The following SMYD3 variants were observed in gnomAD, a reference collection of about 807,000 sequenced individuals.
The protein encoded by SMYD3 is histone-lysine N-methyltransferase SMYD3.
Under a neutral mutation model 57.7 loss-of-function variants are expected in SMYD3, and 36 were observed. The ratio of observed to expected loss-of-function variants is 0.62; its 90% confidence interval spans 0.48 to 0.82. The LOEUF (loss-of-function observed/expected upper bound fraction) is 0.82, where lower values mean the gene tolerates loss of function less well. SMYD3 is among the 40% of genes least tolerant of loss of function. The pLI is 0.00. For missense variants in SMYD3, 515 were observed against 538.8 expected (o/e 0.96, Z 0.44); for synonymous variants, 211 against 195.0 (o/e 1.08, Z -0.68).
chr1:246,023,355 T>C (rs1359502291), intron 5 of SMYD3, among the ~76,000 whole-genome samples: 3 of 152,170 alleles, frequency 2.0e-5, no homozygotes, highest in African/African-American at 7.2e-5. Flanking sequence ...ATAATATAGC[T>C]AGCTCTCGCA....
chr1:245,979,672 G>T (rs967696492), intron 5 of SMYD3, among the ~76,000 whole-genome samples: 14 of 152,016 alleles, frequency 9.2e-5, no homozygotes, highest in African/African-American at 3.4e-4. Context: ...CCTCAGAATT[G>T]TGAAAAAAAT....
chr1:246,413,328 C>T (rs1446693380), intron 1 of SMYD3, among the ~76,000 whole-genome samples: 1 of 152,056 alleles, frequency 6.6e-6, no homozygotes, highest in Non-Finnish European at 1.5e-5. Context: ...GAACCTATGC[C>T]CTTAATCATT....
At chr1:246,391,352 C>A (rs1016037668) in intron 1 of SMYD3, among the ~76,000 whole-genome samples, 1 of 149,242 alleles carries the variant, frequency 6.7e-6, no homozygotes, top group African/African-American at 2.5e-5. Flanking sequence ...TGCACTCCAG[C>A]CTGAGAAACA....
intron 5 of SMYD3, among the ~76,000 whole-genome samples, chr1:246,262,547 T>C (rs1441220184): frequency 6.6e-6 from 1 of 152,120 alleles, no homozygotes; most frequent in Non-Finnish European, 1.5e-5. Flanking sequence ...ACAGACACAG[T>C]TTCCATTTTG....
chr1:246,027,169 G>A (rs1023467779), intron 5 of SMYD3, among the ~76,000 whole-genome samples: 5 of 152,146 alleles, frequency 3.3e-5, no homozygotes, highest in African/African-American at 1.2e-4. Flanking sequence ...CAGAAGAAAC[G>A]GTGGAAAGTA....
chr1:246,493,111 A>C (rs554561935), intron 1 of SMYD3, among the ~76,000 whole-genome samples: 9 of 152,100 alleles, frequency 5.9e-5, no homozygotes, highest in Admixed American at 5.9e-4. Context: ...ATATCACTTT[A>C]AATAGGCAAA....
chr1:245,826,183 T>C (rs987766571), intron 10 of SMYD3, among the ~76,000 whole-genome samples: 1 of 151,832 alleles, frequency 6.6e-6, no homozygotes, highest in Non-Finnish European at 1.5e-5. Flanking sequence ...TGAAACTCTA[T>C]ACCCATTGAA....
rs562464460 is a variant in SMYD3 at position 246,178,246 on chromosome 1, G to T, written c.531+148955C>A. Among the ~76,000 whole-genome samples the T allele has an allele frequency of 2.6e-5, 4 of 152,220 alleles. 1 individual carries two copies. The South Asian group carries it at 8.3e-4, about 32-fold the overall frequency. On this transcript the variant is annotated intron_variant, in intron 5 of 11. Coordinates refer to ENST00000490107, the MANE Select transcript of SMYD3 (RefSeq NM_001167740.2). ...CCAGGGATCAGAGACGGTCCTTCTG[G>T]AATCAAGCAGGTGGCACCCATCACC...
At chr1:246,183,511 A>G (rs552031388) in intron 5 of SMYD3, among the ~76,000 whole-genome samples, 1 of 152,142 alleles carries the variant, frequency 6.6e-6, no homozygotes, top group Non-Finnish European at 1.5e-5. Flanking sequence ...GGAAAATGCA[A>G]ATAAGAATTC....
chr1:245,900,622 G>T (rs75664106), intron 8 of SMYD3, among the ~76,000 whole-genome samples: 3,183 of 152,250 alleles, frequency 0.021, 124 homozygotes, highest in African/African-American at 0.073. Context: ...CTAAAGCTAC[G>T]TTTAGTTGGG....
intron 7 of SMYD3, among the ~76,000 whole-genome samples, chr1:245,924,161 C>A (rs1044647725): frequency 6.6e-6 from 1 of 152,164 alleles, no homozygotes; most frequent in African/African-American, 2.4e-5. Context: ...AGCTTTCCTC[C>A]CTGATCCATG....
At chr1:245,775,353 T>C (rs1431029171) in intron 10 of SMYD3, among the ~76,000 whole-genome samples, 1 of 152,068 alleles carries the variant, frequency 6.6e-6, no homozygotes, top group East Asian at 1.9e-4. Context: ...GAGACTCCAG[T>C]TTGTTCTGTA....
At chr1:246,145,316 G>A (rs982626859) in intron 5 of SMYD3, among the ~76,000 whole-genome samples, 1 of 152,214 alleles carries the variant, frequency 6.6e-6, no homozygotes, top group African/African-American at 2.4e-5. Flanking sequence ...TAGTTATAAT[G>A]TATGTAGTGT....
chr1:246,326,736 C>T (rs1264386818), intron 5 of SMYD3: 1 of 279,556 alleles, frequency 3.6e-6, no homozygotes, highest in Non-Finnish European at 6.6e-6. Context: ...TACACTCAAG[C>T]CTGGGTGACA....
rs1406656676 is a variant in SMYD3, at chr1:246,255,995, C to CACAT, written c.531+71202_531+71205dup. Among the ~76,000 whole-genome samples, 14 of 143,828 alleles carry CACAT rather than the reference C, an allele frequency of 9.7e-5. No homozygotes were observed. In the East Asian group the frequency reaches 2.2e-3, roughly 22 times the overall value. The allele number at this position is 143,828 out of a possible 152,430, so 94.4% of individuals were successfully genotyped here. On this transcript the variant is annotated intron_variant, in intron 5 of 11. Coordinates refer to ENST00000490107, the MANE Select transcript of SMYD3 (RefSeq NM_001167740.2). ...ATAGATAGATAGATAGATACACACACACATACATACATACATAGATACATA... is the reference window on the plus strand; with the variant it reads ...ATAGATAGATAGATAGATACACACACACATACATACATACATACATAGATACATA...
intron 5 of SMYD3, among the ~76,000 whole-genome samples, chr1:246,260,462 T>C (rs1238240233): frequency 2.0e-5 from 3 of 152,140 alleles, no homozygotes; most frequent in Non-Finnish European, 4.4e-5. Context: ...TTTGTTTGTT[T>C]CTTTTTTGAG....
intron 1 of SMYD3, among the ~76,000 whole-genome samples, chr1:246,446,825 C>A (rs923373816): frequency 6.6e-6 from 1 of 152,008 alleles, no homozygotes. Flanking sequence ...GTCGGGAGAT[C>A]GACACCATCC....
At chr1:246,089,231 A>G (rs2060778996) in intron 5 of SMYD3, among the ~76,000 whole-genome samples, 2 of 152,108 alleles carry the variant, frequency 1.3e-5, no homozygotes, top group African/African-American at 4.8e-5. Context: ...CTCCCGCCTC[A>G]GCCTCCCAAA....
At chr1:246,460,755 T>A (rs1295146630) in intron 1 of SMYD3, among the ~76,000 whole-genome samples, 1 of 152,248 alleles carries the variant, frequency 6.6e-6, no homozygotes, top group Non-Finnish European at 1.5e-5. Flanking sequence ...TTGGTTTGCC[T>A]CAAGTAGATT....
Sources: allele counts gnomAD v4.1 joint callset (sites outside exome capture counted in the v4.1 genomes callset), GRCh38; gene constraint gnomAD v4.1.1; transcripts MANE v1.5; gene names NCBI Gene and HGNC (gene_info 2026-07-23, HGNC 2026-07-21).